DYNC2I2: variants seen among roughly 807,000 people sequenced by gnomAD.
DYNC2I2 encodes the protein dynein 2 intermediate chain 2.
Under a neutral mutation model 52.0 loss-of-function variants are expected in DYNC2I2, and 39 were observed. The observed-to-expected ratio is 0.75, with a 90% CI of 0.58 to 0.98. DYNC2I2 has a LOEUF of 0.98. DYNC2I2 is among the 50% of genes least tolerant of loss of function. DYNC2I2 has a pLI of 0.00. For synonymous variants in DYNC2I2, 359 were observed against 321.1 expected, an observed-to-expected ratio of 1.12 and a Z score of -1.26; for missense variants, 743 against 728.4, an observed-to-expected ratio of 1.02 and a Z score of -0.23.
the DYNC2I2 span, among the ~76,000 whole-genome samples, chr9:128,662,133 T>C: frequency 6.8e-6 from 1 of 146,592 alleles, no homozygotes; most frequent in Admixed American, 6.8e-5. Context: ...CTTTGGAGGC[T>C]GAGGCAGGAG....
At chr9:128,635,855 G>A in intron 4 of DYNC2I2, 88 bp from the exon 5 acceptor site, 1 of 1,193,822 alleles carries the variant, frequency 8.4e-7, no homozygotes. Flanking sequence ...CACCTACAGG[G>A]CCAGGGCCAG....
upstream of DYNC2I2, among the ~76,000 whole-genome samples, chr9:128,658,931 G>T (rs550048196): frequency 9.2e-5 from 14 of 151,370 alleles, no homozygotes; most frequent in Non-Finnish European, 1.8e-4. Context: ...GGGTCTCCCC[G>T]TGTTGCCCAG....
intron 1 of DYNC2I2, among the ~76,000 whole-genome samples, chr9:128,652,942 G>C (rs1860746104): frequency 6.8e-6 from 1 of 147,236 alleles, no homozygotes; most frequent in Admixed American, 6.8e-5. Flanking sequence ...TAAGTACCAA[G>C]AGTGCCAGGC....
chr9:128,633,772 T>C lies in DYNC2I2; in HGVS notation c.1583A>G (p.Asp528Gly). The part of the protein sequence containing the change: ...EQGPREAEDL[D>G]CLAAEVAA Reference sequence around the variant, plus strand: ...GGCCGCCACCTCTGCTGCCAGGCAGTCCAGGTCCTCAGCTTCCCGGGGCCC... The same window carrying C: ...GGCCGCCACCTCTGCTGCCAGGCAGCCCAGGTCCTCAGCTTCCCGGGGCCC... Residue 528 changes from aspartate to glycine, a missense_variant, in exon 9 of 9, where the codon GAC (aspartate) becomes GGC (glycine). Physicochemically the swap from Asp to Gly is moderately conservative, Grantham distance 94 (BLOSUM62 -1). Transcript: ENST00000372715. The C allele has an allele frequency of 6.2e-7, 1 of 1,613,456 alleles. No individual in the cohort carries two copies. The highest frequency in any genetic ancestry group is 2.2e-5 in the East Asian group (1 of 44,886).
Position 128,637,437 on chromosome 9 carries a change from GGTTA to G in DYNC2I2, c.436-414_436-411del, listed in dbSNP as rs772619315. 1.7e-4 allele frequency among the ~76,000 whole-genome samples: 26 copies of G among 152,288 alleles called. No homozygotes were observed. The East Asian group carries it at 4.4e-3, about 26-fold the overall frequency. The stretch of plus-strand genomic sequence containing the variant: ...CACATGATTTTTTGTTGTTTGTGGT[GGTTA>G]GTTGGTTGGTTTTCTTTTTGAGACA... On this transcript the variant is annotated intron_variant, in intron 2 of 8. Transcript: ENST00000372715.
the DYNC2I2 span, chr9:128,684,021 C>T: frequency 2.6e-6 from 4 of 1,526,766 alleles, no homozygotes; most frequent in African/African-American, 4.1e-5. Flanking sequence ...CGTTTCTGCG[C>T]TAAGTTTTAT....
chr9:128,656,804 G>A lies in DYNC2I2; in HGVS notation c.-78C>T, dbSNP rs1860839389. ...TACGCCGCCATGAGCGGAAAACGGG[G>A]AATGTGAGGCTGACGGCGCCATGTT... On this transcript the variant is annotated 5_prime_UTR_variant, in exon 1 of 9. Transcript: ENST00000372715. 3 of 1,296,672 alleles carry A rather than the reference G, an allele frequency of 2.3e-6. No homozygotes were observed. The highest frequency in any genetic ancestry group is 5.8e-4 in the Middle Eastern group (2 of 3,472). 80.3% of individuals were successfully genotyped at this position (1,296,672 alleles called of 1,614,324 possible).
chr9:128,665,550 A>G, the DYNC2I2 span, among the ~76,000 whole-genome samples: 1 of 151,902 alleles, frequency 6.6e-6, no homozygotes, highest in African/African-American at 2.4e-5. Flanking sequence ...CAGGTGGATC[A>G]CCGGAGGTCA....
intron 5 of DYNC2I2, 128 bp downstream of exon 5, chr9:128,635,530 C>G: frequency 1.1e-6 from 1 of 907,936 alleles, no homozygotes; most frequent in South Asian, 1.6e-5. Context: ...ACTCATGCTG[C>G]GGGAGCTCCG....
Position 128,644,178 on chromosome 9 carries a change from C to T in DYNC2I2, c.187-3239G>A, listed in dbSNP as rs1860570192. 3.3e-5 allele frequency among the ~76,000 whole-genome samples: 5 copies of T among 152,226 alleles called. No individual in the cohort carries two copies. In the South Asian group the frequency reaches 1.0e-3, roughly 32 times the overall value. ...CTCACAACCACCCTATGAAGTAAAT[C>T]CTATCTTCATATTAATGTTGGCACT... On this transcript the variant is annotated intron_variant, in intron 1 of 8. Coordinates refer to ENST00000372715, the MANE Select transcript of DYNC2I2 (RefSeq NM_052844.4).
chr9:128,645,578 C>T (rs1002843083), intron 1 of DYNC2I2, among the ~76,000 whole-genome samples: 24 of 138,732 alleles, frequency 1.7e-4, no homozygotes, highest in African/African-American at 6.3e-4. Context: ...GATCGTACCA[C>T]TGCACTCTGG....
chr9:128,676,465 G>A, the DYNC2I2 span, among the ~76,000 whole-genome samples: 1 of 152,094 alleles, frequency 6.6e-6, no homozygotes, highest in Non-Finnish European at 1.5e-5. Flanking sequence ...ACTCCAGCCT[G>A]GGTGACAGAG....
the DYNC2I2 span, among the ~76,000 whole-genome samples, chr9:128,674,614 G>C: frequency 1.3e-5 from 2 of 152,076 alleles, no homozygotes; most frequent in African/African-American, 2.4e-5. Context: ...ATGGTGGCAC[G>C]CACCTGTAAT....
In DYNC2I2 at chr9:128,656,789, T is replaced by C. The variant is rs1564346677; in HGVS notation, c.-63A>G. On this transcript the variant is annotated 5_prime_UTR_variant, in exon 1 of 9. An upstream start codon of the reference 5' UTR is lost. Coordinates refer to ENST00000372715, the MANE Select transcript of DYNC2I2 (RefSeq NM_052844.4). ...CGCGACCTCCGCCCCTACGCCGCCA[T>C]GAGCGGAAAACGGGGAATGTGAGGC... 2 of 1,308,048 alleles carry C rather than the reference T, an allele frequency of 1.5e-6. No homozygotes were observed. Among genetic ancestry groups the C allele is most frequent in the East Asian group, 3.1e-5 (1 of 32,010 alleles). The allele number at this position is 1,308,048 out of a possible 1,614,324, so 81.0% of individuals were successfully genotyped here.
chr9:128,641,937 C>T (rs1289128623), intron 1 of DYNC2I2, among the ~76,000 whole-genome samples: 1 of 151,736 alleles, frequency 6.6e-6, no homozygotes, highest in Admixed American at 6.6e-5. Flanking sequence ...CAGCACTTTG[C>T]ATGGTATTTG....
chr9:128,668,068 C>G, the DYNC2I2 span, among the ~76,000 whole-genome samples: 1 of 148,874 alleles, frequency 6.7e-6, no homozygotes, highest in Non-Finnish European at 1.5e-5. Flanking sequence ...TCAAGCGATT[C>G]TCCTGCCTCA....
upstream of DYNC2I2, among the ~76,000 whole-genome samples, chr9:128,658,203 T>A (rs1860873406): frequency 6.6e-6 from 1 of 151,596 alleles, no homozygotes; most frequent in Admixed American, 6.6e-5. Flanking sequence ...TCTCACTCTG[T>A]CGCCCAAGGT....
the DYNC2I2 span, chr9:128,683,806 G>T: frequency 8.6e-7 from 1 of 1,162,300 alleles, no homozygotes; most frequent in Non-Finnish European, 1.2e-6. Context: ...GCAGATTTAA[G>T]CCGCTGGCAC....
upstream of DYNC2I2, among the ~76,000 whole-genome samples, chr9:128,658,267 G>C (rs1011219579): frequency 6.6e-6 from 1 of 151,364 alleles, no homozygotes; most frequent in Non-Finnish European, 1.5e-5. Flanking sequence ...CCCAGTTCAA[G>C]CGATTCTCAT....
Sources: gnomAD v4.1 joint callset for allele counts (sites outside exome capture counted in the v4.1 genomes callset) on GRCh38, gnomAD v4.1.1 for gene constraint, MANE v1.5 for transcripts, NCBI Gene and HGNC (gene_info 2026-07-23, HGNC 2026-07-21) for gene names.